NPEPPS: variants seen among roughly 807,000 people sequenced by gnomAD.
NPEPPS encodes puromycin-sensitive aminopeptidase.
Under a neutral mutation model 115.5 loss-of-function variants are expected in NPEPPS, and 14 were observed. The observed-to-expected ratio is 0.12, with a 90% confidence interval of 0.08 to 0.19. NPEPPS has a LOEUF of 0.19. Ranked by LOEUF, NPEPPS falls within the 10% of genes least tolerant of loss-of-function variation. The pLI is 1.00. For synonymous variants in NPEPPS, 285 were observed against 390.6 expected (o/e 0.73, Z 3.19); for missense variants, 523 against 1,110.8 (o/e 0.47, Z 7.52).
At chr17:47,535,196 TTGCGC>T in intron 1 of NPEPPS, among the ~76,000 whole-genome samples, 1 of 128,780 alleles carries the variant, frequency 7.8e-6, no homozygotes, top group Non-Finnish European at 1.6e-5. Context: ...TGAGCTGAGA[TTGCGC>T]CACTGCACTC....
intron 3 of NPEPPS, among the ~76,000 whole-genome samples, chr17:47,577,536 C>T (rs963106264): frequency 1.2e-4 from 18 of 152,200 alleles, no homozygotes; most frequent in South Asian, 4.1e-4. Context: ...AGTTATTTTA[C>T]TATATTCATA....
chr17:47,553,517 A>G (rs563093608), intron 2 of NPEPPS, among the ~76,000 whole-genome samples: 1 of 152,304 alleles, frequency 6.6e-6, no homozygotes, highest in African/African-American at 2.4e-5. Context: ...GTCATATGGT[A>G]GTTACAGTAG....
chr17:47,531,057 T>C (rs1223606413), upstream of NPEPPS: 10 of 419,500 alleles, frequency 2.4e-5, no homozygotes, highest in Non-Finnish European at 4.0e-5. Context: ...GCGCGCGCAC[T>C]CCACGGGGGC....
chr17:47,566,257 G>A (rs1431560387), intron 2 of NPEPPS, among the ~76,000 whole-genome samples: 1 of 152,016 alleles, frequency 6.6e-6, no homozygotes, highest in Non-Finnish European at 1.5e-5. Context: ...GGAATTCCAG[G>A]CAAGAGCCAC....
chr17:47,552,190 T>TC (rs1341596165), intron 2 of NPEPPS, among the ~76,000 whole-genome samples: 2 of 151,800 alleles, frequency 1.3e-5, no homozygotes, highest in Admixed American at 6.6e-5. Context: ...GGTCTCAGAC[T>TC]CCAAGACTCA....
chr17:47,545,624 T>G lies in NPEPPS; in HGVS notation c.256-285T>G, dbSNP rs552587348. ...AGTGCAGCTGCACAATCACAGCTTA[T>G]TGCAGCCTCAACCTCCTGGGCTCAA... On this transcript the variant is annotated intron_variant, in intron 1 of 22. Transcript: ENST00000322157. Among the ~76,000 whole-genome samples, 89 of 152,218 alleles carry G rather than the reference T, an allele frequency of 5.8e-4. 1 individual carries two copies. The South Asian group carries it at 0.017, about 30-fold the overall frequency.
At chr17:47,603,296 C>T (rs1184057129) in intron 15 of NPEPPS, among the ~76,000 whole-genome samples, 5 of 152,190 alleles carry the variant, frequency 3.3e-5, no homozygotes, top group African/African-American at 4.8e-5. Flanking sequence ...CCTGTAATCC[C>T]AGCTGCTTGG....
intron 3 of NPEPPS, among the ~76,000 whole-genome samples, chr17:47,575,071 C>A (rs1911429410): frequency 6.6e-6 from 1 of 152,184 alleles, no homozygotes; most frequent in Non-Finnish European, 1.5e-5. Context: ...ATTGTGCTAT[C>A]TTTATTTTTC....
chr17:47,524,733 T>G (rs1345997928), intron 1 of NPEPPS, among the ~76,000 whole-genome samples: 1 of 150,980 alleles, frequency 6.6e-6, no homozygotes, highest in African/African-American at 2.4e-5. Flanking sequence ...CTCGATCTCC[T>G]GACCTCGTGA....
intron 2 of NPEPPS, among the ~76,000 whole-genome samples, chr17:47,567,966 G>A (rs1464106261): frequency 6.6e-6 from 1 of 151,836 alleles, no homozygotes; most frequent in Non-Finnish European, 1.5e-5. Context: ...ATGAACATTT[G>A]TATACAAACA....
chr17:47,586,424 C>G (rs758596799), intron 8 of NPEPPS, 26 bp downstream of exon 8: 1 of 1,527,646 alleles, frequency 6.5e-7, no homozygotes, highest in East Asian at 2.4e-5. Context: ...GTTACCCTGC[C>G]TTATCTTTTC....
chr17:47,601,848 A>C (rs569192398), intron 15 of NPEPPS, 101 bp downstream of exon 15: 2 of 1,230,974 alleles, frequency 1.6e-6, no homozygotes, highest in East Asian at 4.9e-5. Flanking sequence ...AAAAAAAAAA[A>C]CCTAAACTTT....
intron 2 of NPEPPS, among the ~76,000 whole-genome samples, chr17:47,557,198 C>A (rs1458704805): frequency 6.6e-6 from 1 of 151,978 alleles, no homozygotes. Flanking sequence ...TATGCCTCAG[C>A]CTCCTGATAG....
chr17:47,613,833 A>ATGTC, intron 19 of NPEPPS, 108 bp downstream of exon 19: 2 of 754,382 alleles, frequency 2.7e-6, no homozygotes, highest in South Asian at 1.8e-5. Context: ...AGAAAGATGC[A>ATGTC]TATTGTAGAC....
At chr17:47,588,313 G>T (rs1180413664) in intron 9 of NPEPPS, among the ~76,000 whole-genome samples, 1 of 152,126 alleles carries the variant, frequency 6.6e-6, no homozygotes, top group African/African-American at 2.4e-5. Flanking sequence ...GGTAATCCCA[G>T]CACTTTGGGA....
At chr17:47,576,497 GA>G (rs1911531082) in intron 3 of NPEPPS, among the ~76,000 whole-genome samples, 3 of 151,982 alleles carry the variant, frequency 2.0e-5, no homozygotes, top group South Asian at 4.1e-4. Context: ...ATTTTCCAAA[GA>G]AAAAAAGAAG....
chr17:47,552,316 A>T (rs1232048081), intron 2 of NPEPPS, among the ~76,000 whole-genome samples: 1 of 152,166 alleles, frequency 6.6e-6, no homozygotes, highest in Admixed American at 6.6e-5. Context: ...TCTATGCAGG[A>T]TAGATCCATT....
intron 12 of NPEPPS, among the ~76,000 whole-genome samples, chr17:47,595,114 A>G (rs893931053): frequency 7.9e-5 from 12 of 151,958 alleles, no homozygotes; most frequent in African/African-American, 2.7e-4. Context: ...TATTTTTAGT[A>G]GAGACAGGGT....
intron 18 of NPEPPS, 65 bp from the exon 19 acceptor site, chr17:47,613,604 C>G: frequency 7.8e-7 from 1 of 1,289,944 alleles, no homozygotes; most frequent in Non-Finnish European, 1.1e-6. Context: ...TCTGTCTTTT[C>G]TTAGTATTAG....
Sources: allele counts gnomAD v4.1 joint callset (sites outside exome capture counted in the v4.1 genomes callset), GRCh38; gene constraint gnomAD v4.1.1; transcripts MANE v1.5; gene names NCBI Gene and HGNC (gene_info 2026-07-23, HGNC 2026-07-21).